The following SGCD variants were observed in gnomAD, a reference collection of about 807,000 sequenced individuals.
SGCD encodes sarcoglycan delta, also known as delta-sarcoglycan.
In SGCD, 18 loss-of-function variants were observed where a neutral mutation model predicts 36.6. The ratio of observed to expected loss-of-function variants is 0.49; its 90% confidence interval spans 0.34 to 0.73. SGCD has a LOEUF of 0.73. Ranked by LOEUF, SGCD falls within the 30% of genes least tolerant of loss-of-function variation. The pLI is 0.01. For missense variants in SGCD, 387 were observed against 346.7 expected (o/e 1.12, Z -0.92); for synonymous variants, 133 against 130.6 (o/e 1.02, Z -0.12).
At chr5:155,866,774 G>A (rs1319158415), upstream of SGCD, among the ~76,000 whole-genome samples, 2 of 152,096 alleles carry the variant, frequency 1.3e-5, no homozygotes, top group East Asian at 1.9e-4. Context: ...AAAAAGACAG[G>A]ACTCTAACTC....
rs563387775 is a variant in SGCD at position 156,608,270 on chromosome 5, G to C, written c.502+13219G>C. Reference sequence around the variant, plus strand: ...CTTTGTTCTCTTTGGTTTCAAAGAAGATCTTTATTTCTGCCTTCATTTCGT... The same window carrying C: ...CTTTGTTCTCTTTGGTTTCAAAGAACATCTTTATTTCTGCCTTCATTTCGT... On this transcript the variant is annotated intron_variant, in intron 6 of 8. Coordinates refer to ENST00000337851, the MANE Select transcript of SGCD (RefSeq NM_000337.6). Among the ~76,000 whole-genome samples, 5 of 152,216 alleles carry C rather than the reference G, an allele frequency of 3.3e-5. No homozygotes were observed. In the South Asian group the frequency reaches 6.2e-4, roughly 19 times the overall value.
chr5:156,106,931 T>A (rs188980997), intron 1 of SGCD, among the ~76,000 whole-genome samples: 1 of 152,216 alleles, frequency 6.6e-6, no homozygotes, highest in African/African-American at 2.4e-5. Flanking sequence ...CTGGAAAGAA[T>A]TGTTAACCAT....
At chr5:156,190,791 C>A (rs2127632324) in intron 3 of SGCD, among the ~76,000 whole-genome samples, 1 of 152,158 alleles carries the variant, frequency 6.6e-6, no homozygotes, top group South Asian at 2.1e-4. Flanking sequence ...TAAAGAAGGA[C>A]CCATGCCAGC....
At chr5:156,513,638 G>A (rs1434744736) in intron 4 of SGCD, among the ~76,000 whole-genome samples, 1 of 152,224 alleles carries the variant, frequency 6.6e-6, no homozygotes, top group Non-Finnish European at 1.5e-5. Context: ...GCACTGATCT[G>A]AGAGGAGCTG....
chr5:156,694,305 A>C (rs1265420216), intron 7 of SGCD, among the ~76,000 whole-genome samples: 1 of 152,124 alleles, frequency 6.6e-6, no homozygotes. Flanking sequence ...GTTTAAGTAC[A>C]TCTCCTCTGC....
chr5:155,967,555 G>C (rs997824722), intron 1 of SGCD, among the ~76,000 whole-genome samples: 1 of 151,902 alleles, frequency 6.6e-6, no homozygotes, highest in African/African-American at 2.4e-5. Context: ...TTCAAGTATG[G>C]TTTCTCCCCC....
intron 6 of SGCD, among the ~76,000 whole-genome samples, chr5:156,615,790 A>G (rs1378257294): frequency 6.6e-6 from 1 of 152,270 alleles, no homozygotes; most frequent in Non-Finnish European, 1.5e-5. Flanking sequence ...CATAAGAAGT[A>G]TAGAAACAAA....
chr5:156,504,664 C>T (rs1269192001), intron 3 of SGCD, among the ~76,000 whole-genome samples: 1 of 152,080 alleles, frequency 6.6e-6, no homozygotes, highest in Non-Finnish European at 1.5e-5. Flanking sequence ...AAGCTAAATA[C>T]TTTCACATTT....
At chr5:156,670,500 C>G (rs1158300196) in intron 7 of SGCD, among the ~76,000 whole-genome samples, 3 of 152,160 alleles carry the variant, frequency 2.0e-5, no homozygotes, top group Non-Finnish European at 4.4e-5. Flanking sequence ...GGTGTATAGA[C>G]AGAAAATCTT....
chr5:156,204,697 TA>T (rs1007006635), intron 3 of SGCD, among the ~76,000 whole-genome samples: 1 of 152,088 alleles, frequency 6.6e-6, no homozygotes, highest in African/African-American at 2.4e-5. Flanking sequence ...TAAATATAGT[TA>T]TATAGCTGCT....
chr5:156,329,880 G>A (rs1261549649), intron 2 of SGCD, among the ~76,000 whole-genome samples: 1 of 151,832 alleles, frequency 6.6e-6, no homozygotes, highest in African/African-American at 2.4e-5. Context: ...AGCCGGACAT[G>A]GTGGTGGGCG....
chr5:156,376,844 A>G (rs1770696909), intron 3 of SGCD, among the ~76,000 whole-genome samples: 1 of 152,180 alleles, frequency 6.6e-6, no homozygotes. Flanking sequence ...TAATACAAAT[A>G]GAATTTTTAA....
intron 7 of SGCD, among the ~76,000 whole-genome samples, chr5:156,708,410 TCAAGGTGAAAGACAG>T (rs1754835388): frequency 6.6e-6 from 1 of 152,144 alleles, no homozygotes; most frequent in Non-Finnish European, 1.5e-5. Flanking sequence ...TTGGTTTTGG[TCAAGGTGAAAGACAG>T]CATGGTATAA....
At chr5:156,475,357 G>A (rs1256808180) in intron 3 of SGCD, among the ~76,000 whole-genome samples, 1 of 152,180 alleles carries the variant, frequency 6.6e-6, no homozygotes, top group Non-Finnish European at 1.5e-5. Context: ...CTCTGTCATA[G>A]TGACAGTTCA....
chr5:155,976,373 C>G (rs866412437), intron 1 of SGCD, among the ~76,000 whole-genome samples: 2 of 152,210 alleles, frequency 1.3e-5, no homozygotes, highest in South Asian at 4.1e-4. Flanking sequence ...AAACAAAAAA[C>G]TAGAGCTAAA....
the SGCD span, among the ~76,000 whole-genome samples, chr5:155,769,086 G>A: frequency 6.6e-6 from 1 of 152,036 alleles, no homozygotes; most frequent in Admixed American, 6.6e-5. Flanking sequence ...CCATTAAAAA[G>A]ATGAGTAGGA....
chr5:156,093,607 G>C (rs1761302385), intron 1 of SGCD, among the ~76,000 whole-genome samples: 1 of 152,200 alleles, frequency 6.6e-6, no homozygotes, highest in Non-Finnish European at 1.5e-5. Flanking sequence ...TAACGTTCCA[G>C]GTGGGCCATG....
chr5:156,139,252 C>A (rs1023701014), intron 3 of SGCD, among the ~76,000 whole-genome samples: 10 of 152,090 alleles, frequency 6.6e-5, no homozygotes, highest in African/African-American at 2.4e-4. Context: ...AAATCTTTGA[C>A]TCCAAGTCAC....
At chr5:155,816,093 T>A in the SGCD span, among the ~76,000 whole-genome samples, 1 of 152,146 alleles carries the variant, frequency 6.6e-6, no homozygotes, top group East Asian at 1.9e-4. Context: ...CTTTCAAGAA[T>A]TTGAAATTTG....
Sources: gnomAD v4.1 joint callset for allele counts (sites outside exome capture counted in the v4.1 genomes callset) on GRCh38, gnomAD v4.1.1 for gene constraint, MANE v1.5 for transcripts, NCBI Gene and HGNC (gene_info 2026-07-23, HGNC 2026-07-21) for gene names.